Variants in KIRREL1 observed in about 807,000 individuals in gnomAD.
KIRREL1 encodes the protein kirre like nephrin family adhesion molecule 1.
KIRREL1 carries 25 observed loss-of-function variants against 83.3 expected under a neutral mutation model. The ratio of observed to expected loss-of-function variants is 0.30; its 90% CI spans 0.22 to 0.42. The LOEUF is 0.42. KIRREL1 is among the 10% of genes least tolerant of loss of function. The pLI, the probability that KIRREL1 is intolerant of heterozygous loss-of-function variation, is 1.00. For missense variants in KIRREL1, 812 were observed against 1,032.3 expected, an observed-to-expected ratio of 0.79 and a Z score of 2.92; for synonymous variants, 388 against 410.4, an observed-to-expected ratio of 0.95 and a Z score of 0.66.
chr1:157,996,980 G>A (rs1001487769), intron 1 of KIRREL1, among the ~76,000 whole-genome samples: 1 of 152,194 alleles, frequency 6.6e-6, no homozygotes, highest in Non-Finnish European at 1.5e-5. Flanking sequence ...TGCCTTTGGC[G>A]CTCCAGTGAG....
intron 1 of KIRREL1, among the ~76,000 whole-genome samples, chr1:158,010,621 G>T (rs1176662545): frequency 6.6e-6 from 1 of 152,154 alleles, no homozygotes; most frequent in African/African-American, 2.4e-5. Flanking sequence ...GCTGAATCTT[G>T]TGGGAACATA....
chr1:158,048,234 CA>C (rs1461713266), intron 1 of KIRREL1, among the ~76,000 whole-genome samples: 1 of 152,132 alleles, frequency 6.6e-6, no homozygotes, highest in Non-Finnish European at 1.5e-5. Context: ...AAGGATAGGG[CA>C]AGAATAATAG....
chr1:158,052,143 C>A (rs1396490161), intron 1 of KIRREL1, among the ~76,000 whole-genome samples: 3 of 152,086 alleles, frequency 2.0e-5, no homozygotes, highest in East Asian at 1.9e-4. Context: ...ATGATCTGGC[C>A]CCAACCTACC....
intron 1 of KIRREL1, among the ~76,000 whole-genome samples, chr1:158,054,080 G>C (rs1285312615): frequency 1.3e-5 from 2 of 151,670 alleles, no homozygotes; most frequent in East Asian, 3.9e-4. Context: ...GTGTGTGGTG[G>C]TGTGTGCCTG....
intron 1 of KIRREL1, among the ~76,000 whole-genome samples, chr1:158,009,372 C>T (rs1659607343): frequency 6.6e-6 from 1 of 152,210 alleles, no homozygotes; most frequent in East Asian, 1.9e-4. Flanking sequence ...TCAATTTCTT[C>T]ATTGGTAAAT....
At chr1:157,999,566 T>C (rs537706017) in intron 1 of KIRREL1, among the ~76,000 whole-genome samples, 1 of 152,266 alleles carries the variant, frequency 6.6e-6, no homozygotes, top group African/African-American at 2.4e-5. Flanking sequence ...TTCTGGGAGA[T>C]GTTTCCATCT....
At position 158,091,303 on chromosome 1, in the gene KIRREL1, A is replaced by G. The variant is rs892108260; in HGVS notation, c.1273-55A>G. Reference sequence around the variant, plus strand: ...AGGGTGGATCAGGGGACACGTGGGCATGGGCTTCTGCCCCCTGCCCCTTTC... The same window carrying G: ...AGGGTGGATCAGGGGACACGTGGGCGTGGGCTTCTGCCCCCTGCCCCTTTC... On this transcript the variant is annotated intron_variant, in intron 10 of 14. Transcript: ENST00000359209. The G allele has an allele frequency of 8.4e-6, 13 of 1,542,046 alleles. No individual in the cohort carries two copies. The African/African-American group carries it at 1.8e-4, about 21-fold the overall frequency.
chr1:158,088,215 C>G, intron 7 of KIRREL1, 61 bp downstream of exon 7: 1 of 1,612,832 alleles, frequency 6.2e-7, no homozygotes, highest in Non-Finnish European at 8.5e-7. Flanking sequence ...GGGCCTTGGA[C>G]AGAGTCGGGG....
intron 1 of KIRREL1, among the ~76,000 whole-genome samples, chr1:158,024,955 C>A (rs1458290604): frequency 2.0e-5 from 3 of 152,214 alleles, no homozygotes; most frequent in African/African-American, 7.2e-5. Flanking sequence ...TCTTCAGCCA[C>A]CACTGTGAGC....
intron 1 of KIRREL1, among the ~76,000 whole-genome samples, chr1:158,047,105 T>A (rs1306222817): frequency 6.6e-6 from 1 of 152,210 alleles, no homozygotes; most frequent in Non-Finnish European, 1.5e-5. Flanking sequence ...ATTCATTTTA[T>A]GTGACTCCAT....
chr1:158,034,217 C>T (rs1660407386), intron 1 of KIRREL1, among the ~76,000 whole-genome samples: 1 of 147,570 alleles, frequency 6.8e-6, no homozygotes, highest in Admixed American at 6.9e-5. Context: ...TTGCAGTGAG[C>T]CGAGATAGCG....
intron 1 of KIRREL1, among the ~76,000 whole-genome samples, chr1:158,066,072 C>A (rs1465090333): frequency 1.3e-5 from 2 of 151,822 alleles, no homozygotes; most frequent in African/African-American, 4.8e-5. Context: ...CTCTTCTTGC[C>A]CCACCATCAG....
intron 1 of KIRREL1, among the ~76,000 whole-genome samples, chr1:158,048,062 A>T (rs1660820972): frequency 6.6e-6 from 1 of 152,120 alleles, no homozygotes; most frequent in African/African-American, 2.4e-5. Flanking sequence ...CTCTTACTTT[A>T]AGAAGATCTC....
intron 1 of KIRREL1, among the ~76,000 whole-genome samples, chr1:158,043,529 T>C (rs1021933936): frequency 1.2e-4 from 18 of 152,182 alleles, no homozygotes; most frequent in Non-Finnish European, 2.9e-5. Context: ...GGAACACTGA[T>C]AGTTCAGGGG....
chr1:158,090,770 A>G (rs1346124664), intron 10 of KIRREL1, among the ~76,000 whole-genome samples: 2 of 152,212 alleles, frequency 1.3e-5, no homozygotes, highest in African/African-American at 4.8e-5. Flanking sequence ...AGGTACGCCT[A>G]AAGATTGAGT....
intron 1 of KIRREL1, among the ~76,000 whole-genome samples, chr1:158,056,186 C>G (rs1218396411): frequency 6.6e-6 from 1 of 152,236 alleles, no homozygotes; most frequent in African/African-American, 2.4e-5. Context: ...TTTGTCAACA[C>G]CATTCCCTTT....
chr1:158,071,747 C>T (rs547200577), intron 1 of KIRREL1, among the ~76,000 whole-genome samples: 1 of 152,246 alleles, frequency 6.6e-6, no homozygotes, highest in East Asian at 1.9e-4. Flanking sequence ...ATTGAAATGT[C>T]ATCCTCAGTC....
At chr1:158,023,417 C>T (rs951841969) in intron 1 of KIRREL1, among the ~76,000 whole-genome samples, 11 of 152,148 alleles carry the variant, frequency 7.2e-5, no homozygotes, top group Non-Finnish European at 1.3e-4. Context: ...TGGTTACTTG[C>T]CTTCCAGTTA....
At position 158,094,369 on chromosome 1, in the gene KIRREL1, C is replaced by G. The variant is rs1407515314; in HGVS notation, c.1776C>G (p.Thr592=). ...ACCTGCGCTGCGACACCATCGACAC[C>G]CGGGAGGAGTATGAGATGAAGGTGG... is the stretch of plus-strand genomic sequence containing the variant. ...KQDLRCDTID[T]REEYEMKDPT... The change falls in exon 14 of 15, where the codon ACC becomes ACG. Residue 592 remains threonine, a synonymous_variant. Coordinates refer to ENST00000359209, the MANE Select transcript of KIRREL1 (RefSeq NM_018240.7). This position sits in a 1 kb window ranked among gnomAD's most constrained non-coding sequence, Gnocchi z 4.6. The G allele has an allele frequency of 6.2e-7, 1 of 1,612,704 alleles. No individual in the cohort carries two copies. Among genetic ancestry groups the G allele is most frequent in the East Asian group, 2.2e-5 (1 of 44,830 alleles).
Sources: allele counts gnomAD v4.1 joint callset (sites outside exome capture counted in the v4.1 genomes callset), GRCh38; gene constraint gnomAD v4.1.1; non-coding constraint Gnocchi (gnomAD v3.1); transcripts MANE v1.5; gene names NCBI Gene and HGNC (gene_info 2026-07-23, HGNC 2026-07-21).